The following RAB28 variants were observed in gnomAD, a reference collection of about 807,000 sequenced individuals.
The protein encoded by RAB28 is RAB28, member RAS oncogene family.
RAB28 carries 24 observed loss-of-function variants against 31.7 expected under a neutral mutation model. That is an observed-to-expected ratio of 0.76 (90% CI 0.55 to 1.06). The LOEUF is 1.06. RAB28 is among the 50% of genes least tolerant of loss of function. The pLI, the probability that RAB28 is intolerant of heterozygous loss-of-function variation, is 0.00. For synonymous variants in RAB28, 100 were observed against 90.4 expected (o/e 1.11, Z -0.60); for missense variants, 254 against 258.5 (o/e 0.98, Z 0.12).
intron 4 of RAB28, among the ~76,000 whole-genome samples, chr4:13,439,967 C>T (rs555612369): frequency 1.6e-4 from 24 of 152,134 alleles, no homozygotes; most frequent in Non-Finnish European, 2.5e-4. Context: ...TATATATTTA[C>T]ATCTACATTA....
chr4:13,480,352 T>C (rs1716552884), intron 1 of RAB28, among the ~76,000 whole-genome samples: 1 of 151,840 alleles, frequency 6.6e-6, no homozygotes, highest in Non-Finnish European at 1.5e-5. Context: ...AAATGCACTA[T>C]TTTTATTTAT....
chr4:13,394,101 G>A (rs919214971), intron 4 of RAB28, among the ~76,000 whole-genome samples: 1 of 152,046 alleles, frequency 6.6e-6, no homozygotes, highest in African/African-American at 2.4e-5. Context: ...TGGAGGAGGC[G>A]ACCAGATAAG....
At chr4:13,449,295 CAA>C (rs1019151106) in intron 4 of RAB28, among the ~76,000 whole-genome samples, 15 of 151,820 alleles carry the variant, frequency 9.9e-5, no homozygotes, top group African/African-American at 3.4e-4. Flanking sequence ...TTTGAAGACT[CAA>C]AAGAGTCACA....
At chr4:13,452,545 T>C (rs139533129) in intron 4 of RAB28, among the ~76,000 whole-genome samples, 89 of 152,198 alleles carry the variant, frequency 5.8e-4, no homozygotes, top group African/African-American at 2.0e-3. Context: ...ATTTAGAATA[T>C]TGTTCAATTT....
At chr4:13,455,578 TCTCAAGATGGCA>T (rs2108955647) in intron 4 of RAB28, among the ~76,000 whole-genome samples, 1 of 152,248 alleles carries the variant, frequency 6.6e-6, no homozygotes, top group Admixed American at 6.5e-5. Context: ...GTGGCTCTCG[TCTCAAGATGGCA>T]CCATGCTGCA....
chr4:13,415,412 C>T (rs1220806294), intron 4 of RAB28, among the ~76,000 whole-genome samples: 2 of 152,228 alleles, frequency 1.3e-5, no homozygotes, highest in Admixed American at 6.5e-5. Context: ...GAGGCGCAGG[C>T]GGGAACCGGG....
chr4:13,446,087 G>A (rs1040497296), intron 4 of RAB28, among the ~76,000 whole-genome samples: 3 of 152,196 alleles, frequency 2.0e-5, no homozygotes, highest in Admixed American at 2.0e-4. Context: ...GAGGAATTAA[G>A]AGAAGCAGTC....
intron 4 of RAB28, among the ~76,000 whole-genome samples, chr4:13,452,214 T>C (rs1368561651): frequency 6.6e-6 from 1 of 151,926 alleles, no homozygotes; most frequent in Non-Finnish European, 1.5e-5. Flanking sequence ...ATTATATCTT[T>C]AAAAAACAAC....
At chr4:13,462,733 C>T (rs927283522) in intron 3 of RAB28, among the ~76,000 whole-genome samples, 13 of 152,296 alleles carry the variant, frequency 8.5e-5, no homozygotes, top group African/African-American at 3.1e-4. Flanking sequence ...CAAAATCACT[C>T]GTCTGGTTCA....
At chr4:13,463,902 T>A (rs933007924) in intron 3 of RAB28, among the ~76,000 whole-genome samples, 1 of 151,820 alleles carries the variant, frequency 6.6e-6, no homozygotes, top group East Asian at 1.9e-4. Context: ...AAAAAAACCA[T>A]GAAAGTCATC....
In RAB28 at chr4:13,442,993, T is replaced by C. The variant is rs141745975; in HGVS notation, c.391+17706A>G. Reference sequence around the variant, plus strand: ...GATATCAAAGTGGCAGAACATAGTATAAAATAAATATCCTTATAGGAAATT... The same window carrying C: ...GATATCAAAGTGGCAGAACATAGTACAAAATAAATATCCTTATAGGAAATT... On this transcript the variant is annotated intron_variant, in intron 4 of 6. Transcript: ENST00000330852. 3.9e-5 allele frequency among the ~76,000 whole-genome samples: 6 copies of C among 152,330 alleles called. No homozygotes were observed. The East Asian group carries it at 5.8e-4, about 15-fold the overall frequency.
chr4:13,370,052 T>C, intron 6 of RAB28: 1 of 1,499,516 alleles, frequency 6.7e-7, no homozygotes, highest in South Asian at 1.3e-5. Context: ...AATGACTGAA[T>C]ATAGAAGGAA....
chr4:13,446,483 G>A (rs761848267), intron 4 of RAB28, among the ~76,000 whole-genome samples: 3 of 152,196 alleles, frequency 2.0e-5, no homozygotes, highest in Admixed American at 6.5e-5. Flanking sequence ...AAAACCCGGG[G>A]CCCTGGTGGT....
At chr4:13,371,616 A>C (rs1212375198) in intron 6 of RAB28, 2 of 985,186 alleles carry the variant, frequency 2.0e-6, no homozygotes, top group Non-Finnish European at 2.4e-6. Flanking sequence ...GCTTTGTAAA[A>C]TGTTTCCGAA....
intron 6 of RAB28, chr4:13,371,057 G>A (rs1007611596): frequency 3.5e-5 from 34 of 982,342 alleles, no homozygotes; most frequent in Non-Finnish European, 4.0e-5. Context: ...TATTAAGATA[G>A]AAAAGCATCT....
chr4:13,424,812 A>C (rs1326236643), intron 4 of RAB28, among the ~76,000 whole-genome samples: 2 of 152,192 alleles, frequency 1.3e-5, no homozygotes, highest in African/African-American at 4.8e-5. Context: ...ACATCACTCC[A>C]GCAATTCTAA....
At chr4:13,434,660 T>C (rs1191431061) in intron 4 of RAB28, among the ~76,000 whole-genome samples, 1 of 152,036 alleles carries the variant, frequency 6.6e-6, no homozygotes. Context: ...TCATAAAGTC[T>C]CAAAAAATTC....
At chr4:13,466,303 T>A (rs757251537) in intron 3 of RAB28, among the ~76,000 whole-genome samples, 1 of 151,716 alleles carries the variant, frequency 6.6e-6, no homozygotes, top group Non-Finnish European at 1.5e-5. Flanking sequence ...TATTTTCAAG[T>A]CATACATCCA....
At chr4:13,457,986 T>A (rs1404738151) in intron 4 of RAB28, among the ~76,000 whole-genome samples, 1 of 152,116 alleles carries the variant, frequency 6.6e-6, no homozygotes, top group East Asian at 1.9e-4. Flanking sequence ...AACCATAATA[T>A]AAGCCAACGC....
Sources: allele counts gnomAD v4.1 joint callset (sites outside exome capture counted in the v4.1 genomes callset), GRCh38; gene constraint gnomAD v4.1.1; transcripts MANE v1.5; gene names NCBI Gene and HGNC (gene_info 2026-07-23, HGNC 2026-07-21).